Variants in SLC16A4 observed in about 807,000 individuals in gnomAD.
The protein encoded by SLC16A4 is probable monocarboxylate transporter 5.
A neutral mutation model predicts 47.9 loss-of-function variants in SLC16A4; 39 were observed. The ratio of observed to expected loss-of-function variants is 0.81; its 90% CI spans 0.63 to 1.06. The LOEUF (loss-of-function observed/expected upper bound fraction) is 1.06, where lower values mean the gene tolerates loss of function less well. Among genes scored for constraint, SLC16A4 ranks in the 50% least tolerant of loss-of-function variants. The pLI is 0.00. For synonymous variants in SLC16A4, 189 were observed against 199.9 expected (o/e 0.95, Z 0.46); for missense variants, 524 against 573.8 (o/e 0.91, Z 0.89).
chr1:110,366,101 TACACACAC>T (rs112827792), intron 8 of SLC16A4, among the ~76,000 whole-genome samples: 1,823 of 143,918 alleles, frequency 0.013, 36 homozygotes, highest in African/African-American at 0.04. Flanking sequence ...CCTTTCATTT[TACACACAC>T]ACACACACAC....
At chr1:110,368,865 T>A (rs1661539185) in intron 8 of SLC16A4, among the ~76,000 whole-genome samples, 1 of 152,172 alleles carries the variant, frequency 6.6e-6, no homozygotes, top group African/African-American at 2.4e-5. Flanking sequence ...CATACATGTT[T>A]CAAAAGGAAT....
Position 110,363,711 on chromosome 1 carries a change from C to A in SLC16A4, c.*55G>T. ...TCTTTCAAGCTTTTGTTTCCAATGA[C>A]ATTAGTTTAGGTTTTCTTTTGTTTA... is the stretch of plus-strand genomic sequence containing the variant. On this transcript the variant is annotated 3_prime_UTR_variant, in exon 9 of 9. Transcript: ENST00000369779. The A allele has an allele frequency of 6.8e-7, 1 of 1,478,338 alleles. No individual in the cohort carries two copies. 91.6% of individuals were successfully genotyped at this position (1,478,338 alleles called of 1,614,324 possible). A position where few individuals can be genotyped will look rare whatever the true frequency, so the allele number is the denominator to read the frequency against.
intron 6 of SLC16A4, among the ~76,000 whole-genome samples, chr1:110,378,241 A>T (rs994449402): frequency 6.6e-6 from 1 of 152,228 alleles, no homozygotes; most frequent in Non-Finnish European, 1.5e-5. Flanking sequence ...CAAGGGGAAA[A>T]TTCCTTAGCT....
intron 3 of SLC16A4, among the ~76,000 whole-genome samples, chr1:110,382,559 A>G (rs17626812): frequency 0.15 from 23,221 of 152,224 alleles, 2,102 homozygotes; most frequent in East Asian, 0.27. Context: ...AACCTATATT[A>G]AGGCATTAAC....
chr1:110,366,089 A>G (rs1009272236), intron 8 of SLC16A4, among the ~76,000 whole-genome samples: 14 of 148,756 alleles, frequency 9.4e-5, no homozygotes, highest in African/African-American at 3.5e-4. Context: ...ATGCCGACCA[A>G]GCCTTTCATT....
intron 2 of SLC16A4, among the ~76,000 whole-genome samples, chr1:110,385,237 T>C (rs1160394803): frequency 6.6e-6 from 1 of 152,190 alleles, no homozygotes; most frequent in Non-Finnish European, 1.5e-5. Context: ...TTCTTCCTAC[T>C]GGGGCGTGAC....
Position 110,387,363 on chromosome 1 carries a change from A to G in SLC16A4, c.87+1874T>C, listed in dbSNP as rs1203683528. Among the ~76,000 whole-genome samples, 3 of 152,304 alleles carry G rather than the reference A, an allele frequency of 2.0e-5. No homozygotes were observed. The South Asian group carries it at 6.2e-4, about 32-fold the overall frequency. On this transcript the variant is annotated intron_variant, in intron 2 of 8. Coordinates refer to ENST00000369779, the MANE Select transcript of SLC16A4 (RefSeq NM_004696.3). ...TGAATCTCTCTCTCTTTTTTTAAGT[A>G]GGAAGCTCCCAAAGAACATTGTTAT...
chr1:110,387,363 A>C (rs1203683528), intron 2 of SLC16A4, among the ~76,000 whole-genome samples: 2 of 152,186 alleles, frequency 1.3e-5, no homozygotes, highest in East Asian at 3.8e-4. Flanking sequence ...TTTTTTAAGT[A>C]GGAAGCTCCC....
At chr1:110,374,401 A>AT (rs1661868802) in intron 8 of SLC16A4, among the ~76,000 whole-genome samples, 2 of 152,226 alleles carry the variant, frequency 1.3e-5, no homozygotes, top group Admixed American at 1.3e-4. Flanking sequence ...TTTTTAAAAA[A>AT]TGATAGTAGG....
At chr1:110,376,647 T>C (rs1257031223) in intron 7 of SLC16A4, among the ~76,000 whole-genome samples, 1 of 152,182 alleles carries the variant, frequency 6.6e-6, no homozygotes, top group Non-Finnish European at 1.5e-5. Flanking sequence ...AACAAGTTTC[T>C]GGAGCTGAAG....
chr1:110,365,981 C>T (rs1661355492), intron 8 of SLC16A4, among the ~76,000 whole-genome samples: 1 of 151,830 alleles, frequency 6.6e-6, no homozygotes, highest in African/African-American at 2.4e-5. Flanking sequence ...CTTGTAGAGA[C>T]TGGATCTAAG....
rs1407816478 is a variant in SLC16A4, at chr1:110,377,162, C to T, written c.1031-1G>A. ...ATCTGACTGACCGTCTCAAGGATAC[C>T]TGGAACAATATTGAAATCTTTTTAT... On this transcript the variant is annotated splice_acceptor_variant, in intron 6 of 8. Coordinates refer to ENST00000369779, the MANE Select transcript of SLC16A4 (RefSeq NM_004696.3). LOFTEE classifies it high-confidence loss of function. The T allele has an allele frequency of 1.2e-6, 2 of 1,611,942 alleles. No individual in the cohort carries two copies. The highest frequency in any genetic ancestry group is 3.3e-5 in the Admixed American group (2 of 59,880).
At chr1:110,370,653 C>T (rs945155806) in intron 8 of SLC16A4, 1 of 152,070 alleles carries the variant, frequency 6.6e-6, no homozygotes, top group East Asian at 1.9e-4. Flanking sequence ...CTGATGAGAT[C>T]GGTAAATAAT....
chr1:110,365,669 A>AGT (rs1661340549), intron 8 of SLC16A4, among the ~76,000 whole-genome samples: 2 of 152,196 alleles, frequency 1.3e-5, no homozygotes, highest in Non-Finnish European at 2.9e-5. Context: ...GAAAGGAAGG[A>AGT]GTATAGAAGG....
rs1662024967 is a variant in SLC16A4 at position 110,376,717 on chromosome 1, TC to T, written c.1242+232del. ...GATAAGTAAAAAGGAATCCTGCTGA[TC>T]CCTTTTTTGCTTTAATTTTATTCCT... On this transcript the variant is annotated intron_variant, in intron 7 of 8. Transcript: ENST00000369779. Among the ~76,000 whole-genome samples, 8 of 150,598 alleles carry T rather than the reference TC, an allele frequency of 5.3e-5. No individual in the cohort carries two copies. In the South Asian group the frequency reaches 1.5e-3, roughly 27 times the overall value.
At position 110,389,225 on chromosome 1, in the gene SLC16A4, G is replaced by T; in HGVS notation, c.87+12C>A. ...TAGGCAATAGGAAAGGGGGAAAAAA[G>T]TGAATTCTTACCAGGAAAAAATGAA... On this transcript the variant is annotated intron_variant, in intron 2 of 8. Transcript: ENST00000369779. The T allele has an allele frequency of 6.2e-7, 1 of 1,607,394 alleles. No individual in the cohort carries two copies. The highest frequency in any genetic ancestry group is 8.5e-7 in the Non-Finnish European group (1 of 1,173,840).
At chr1:110,381,864 A>G (rs1662415868) in intron 3 of SLC16A4, 69 bp from the exon 4 acceptor site, 1 of 1,367,068 alleles carries the variant, frequency 7.3e-7, no homozygotes, top group Non-Finnish European at 1.0e-6. Context: ...TCTGATGGCG[A>G]TTTAAATGAA....
In SLC16A4 at chr1:110,389,287, T is replaced by G. The variant is rs1202910928; in HGVS notation, c.37A>C (p.Lys13Gln). 2.5e-6 allele frequency: 4 copies of G among 1,614,110 alleles called. No individual in the cohort carries two copies. The highest frequency in any genetic ancestry group is 1.7e-5 in the Admixed American group (1 of 60,028). The change falls in exon 2 of 9, where the codon AAA becomes CAA. Residue 13 changes from lysine (K) to glutamine (Q), a missense_variant. Physicochemically the swap from Lys to Gln is moderately conservative, Grantham distance 53. Transcript: ENST00000369779. Reference sequence around the variant, plus strand: ...CATCCCCATCCTCCATCCAGGGTTTTAGTGTAAGGTTGGACCTTCCCCTCC... The same window carrying G: ...CATCCCCATCCTCCATCCAGGGTTTGAGTGTAAGGTTGGACCTTCCCCTCC... ...KREGKVQPYT[K>Q]TLDGGWGWMI...
chr1:110,365,010 A>G, intron 8 of SLC16A4, among the ~76,000 whole-genome samples: 1 of 151,994 alleles, frequency 6.6e-6, no homozygotes, highest in African/African-American at 2.4e-5. Context: ...TATTATCATG[A>G]CAATAATTTT....
Sources: allele counts gnomAD v4.1 joint callset (sites outside exome capture counted in the v4.1 genomes callset), GRCh38; gene constraint gnomAD v4.1.1; transcripts MANE v1.5; gene names NCBI Gene and HGNC (gene_info 2026-07-23, HGNC 2026-07-21).